Variants in RNF150 observed in about 807,000 individuals in gnomAD.
The protein encoded by RNF150 is ring finger protein 150.
A neutral mutation model predicts 39.3 loss-of-function variants in RNF150; 24 were observed. The observed-to-expected ratio is 0.61, with a 90% CI of 0.44 to 0.86. The LOEUF is 0.86. Among genes scored for constraint, RNF150 ranks in the 40% least tolerant of loss-of-function variants. The pLI, the probability that RNF150 is intolerant of heterozygous loss-of-function variation, is 0.00. For missense variants in RNF150, 502 were observed against 587.8 expected, an observed-to-expected ratio of 0.85 and a Z score of 1.51; for synonymous variants, 255 against 227.3, an observed-to-expected ratio of 1.12 and a Z score of -1.10.
intron 1 of RNF150, among the ~76,000 whole-genome samples, chr4:141,194,054 A>G (rs992851493): frequency 3.3e-5 from 5 of 152,220 alleles, no homozygotes; most frequent in African/African-American, 9.6e-5. Flanking sequence ...CTCACATTTG[A>G]ACATGCCATT....
intron 1 of RNF150, among the ~76,000 whole-genome samples, chr4:141,206,056 T>C (rs995053052): frequency 2.0e-5 from 3 of 152,134 alleles, no homozygotes; most frequent in African/African-American, 7.2e-5. Context: ...CACCTTGGGG[T>C]CTGCTTTGCT....
intron 1 of RNF150, among the ~76,000 whole-genome samples, chr4:141,211,060 C>T (rs1296892965): frequency 6.6e-6 from 1 of 152,150 alleles, no homozygotes; most frequent in African/African-American, 2.4e-5. Context: ...AAAGTTCTTG[C>T]ATCACTGTCC....
chr4:140,936,849 T>A (rs967307476), intron 4 of RNF150, among the ~76,000 whole-genome samples: 1 of 152,118 alleles, frequency 6.6e-6, no homozygotes, highest in African/African-American at 2.4e-5. Context: ...AGAACTTGTG[T>A]TAGTCAATAG....
rs1345654127 is a variant in RNF150 at position 140,866,887 on chromosome 4, G to A, written c.*1374C>T. ...TACAAAATTGCCCACTGAAAAAATA[G>A]CACATTTCTGTCATAGTTACAAAAG... On this transcript the variant is annotated 3_prime_UTR_variant, in exon 7 of 7. Coordinates refer to ENST00000515673, the MANE Select transcript of RNF150 (RefSeq NM_020724.2). 1 of 152,164 alleles carries A rather than the reference G, an allele frequency of 6.6e-6. No individual in the cohort carries two copies. The highest frequency in any genetic ancestry group is 1.5e-5 in the Non-Finnish European group (1 of 68,034). 9.4% of individuals were successfully genotyped at this position (152,164 alleles called of 1,614,324 possible).
At chr4:141,135,202 T>C (rs1313461054), upstream of RNF150, among the ~76,000 whole-genome samples, 1 of 152,188 alleles carries the variant, frequency 6.6e-6, no homozygotes. Flanking sequence ...ACAATGAGTA[T>C]GAAATAATTT....
chr4:140,901,995 A>G (rs1208011208), intron 6 of RNF150, among the ~76,000 whole-genome samples: 1 of 152,200 alleles, frequency 6.6e-6, no homozygotes, highest in Non-Finnish European at 1.5e-5. Flanking sequence ...CAAATGCTTA[A>G]TGATTTTGTT....
chr4:140,875,721 G>GTT (rs142895042), intron 6 of RNF150, among the ~76,000 whole-genome samples: 2 of 150,228 alleles, frequency 1.3e-5, no homozygotes, highest in Non-Finnish European at 3.0e-5. Flanking sequence ...TTTTGTTTGT[G>GTT]TTTTTTTTTA....
chr4:141,063,908 T>C (rs1388141868), intron 1 of RNF150, among the ~76,000 whole-genome samples: 1 of 150,264 alleles, frequency 6.7e-6, no homozygotes, highest in Non-Finnish European at 1.5e-5. Context: ...CCCTTTATTC[T>C]AGCCAAAGGT....
At chr4:140,877,102 T>C (rs181177381) in intron 6 of RNF150, among the ~76,000 whole-genome samples, 4 of 152,336 alleles carry the variant, frequency 2.6e-5, no homozygotes, top group Admixed American at 2.6e-4. Context: ...TTTTATCTCT[T>C]TGCTGTTGGT....
intron 1 of RNF150, among the ~76,000 whole-genome samples, chr4:141,039,629 G>GGTT (rs1417292258): frequency 6.6e-6 from 1 of 152,128 alleles, no homozygotes. Flanking sequence ...CAGGCAGGGT[G>GGTT]GTTGATTCCC....
At chr4:141,084,010 T>C (rs1164473709) in intron 1 of RNF150, among the ~76,000 whole-genome samples, 2 of 152,248 alleles carry the variant, frequency 1.3e-5, no homozygotes, top group African/African-American at 2.4e-5. Context: ...TAATGTGATG[T>C]GGGTAATACT....
At chr4:140,868,467 T>C in intron 6 of RNF150, 88 bp from the exon 7 acceptor site, 1 of 790,030 alleles carries the variant, frequency 1.3e-6, no homozygotes, top group African/African-American at 1.7e-5. Context: ...TAATAACATT[T>C]CTTTAAAGGC....
chr4:141,081,068 T>C (rs1230308517), intron 1 of RNF150, among the ~76,000 whole-genome samples: 1 of 152,198 alleles, frequency 6.6e-6, no homozygotes, highest in Admixed American at 6.5e-5. Flanking sequence ...CCAGTATGGA[T>C]GGACAGTCAC....
chr4:140,927,258 G>A (rs2111324522), intron 4 of RNF150, among the ~76,000 whole-genome samples: 1 of 152,312 alleles, frequency 6.6e-6, no homozygotes, highest in East Asian at 1.9e-4. Flanking sequence ...ACAAGGATGT[G>A]TTATTATGTT....
chr4:140,974,155 C>T (rs546338565), intron 1 of RNF150, among the ~76,000 whole-genome samples: 12 of 152,180 alleles, frequency 7.9e-5, no homozygotes, highest in African/African-American at 2.9e-4. Flanking sequence ...CTGACATATT[C>T]CACCATCAAT....
At chr4:140,966,938 C>G (rs1733265953) in intron 2 of RNF150, among the ~76,000 whole-genome samples, 1 of 152,092 alleles carries the variant, frequency 6.6e-6, no homozygotes, top group Non-Finnish European at 1.5e-5. Context: ...ATAGACGTGA[C>G]ACATACAGAC....
intron 2 of RNF150, among the ~76,000 whole-genome samples, chr4:140,961,347 C>T (rs1733016794): frequency 6.6e-6 from 1 of 152,054 alleles, no homozygotes; most frequent in South Asian, 2.1e-4. Flanking sequence ...GTGATCTGCA[C>T]AAAGCCAAGC....
intron 6 of RNF150, among the ~76,000 whole-genome samples, chr4:140,901,297 AATAATG>A (rs1008900119): frequency 1.6e-4 from 5 of 31,310 alleles, no homozygotes; most frequent in African/African-American, 3.3e-4. Flanking sequence ...GTACAATATC[AATAATG>A]ATAAATAATA....
chr4:141,201,221 C>T (rs1728285429), intron 1 of RNF150, among the ~76,000 whole-genome samples: 1 of 152,146 alleles, frequency 6.6e-6, no homozygotes, highest in Non-Finnish European at 1.5e-5. Flanking sequence ...TGCATTCTGG[C>T]CCAAATTGAT....
Sources: allele counts gnomAD v4.1 joint callset (sites outside exome capture counted in the v4.1 genomes callset), GRCh38; gene constraint gnomAD v4.1.1; transcripts MANE v1.5; gene names NCBI Gene and HGNC (gene_info 2026-07-23, HGNC 2026-07-21).